Variants in GPC5 observed in about 807,000 individuals in gnomAD.
GPC5 encodes the protein glypican 5, also known as glypican-5.
In GPC5, 47 loss-of-function variants were observed where a neutral mutation model predicts 53.9. That is an observed-to-expected ratio of 0.87 (90% CI 0.69 to 1.11). The LOEUF (loss-of-function observed/expected upper bound fraction) is 1.11. Ranked by LOEUF, GPC5 falls within the 50% of genes most tolerant of loss-of-function variation. The pLI, the probability that GPC5 is intolerant of heterozygous loss-of-function variation, is 0.00. For synonymous variants in GPC5, 286 were observed against 263.3 expected, an observed-to-expected ratio of 1.09 and a Z score of -0.84; for missense variants, 748 against 713.1, an observed-to-expected ratio of 1.05 and a Z score of -0.56.
chr13:92,553,276 T>G (rs1882382738), intron 7 of GPC5, among the ~76,000 whole-genome samples: 1 of 151,986 alleles, frequency 6.6e-6, no homozygotes, highest in Non-Finnish European at 1.5e-5. Context: ...TTATCAAACC[T>G]GCTAGTTTTA....
chr13:92,085,094 C>T (rs2041325871), intron 6 of GPC5, among the ~76,000 whole-genome samples: 1 of 152,184 alleles, frequency 6.6e-6, no homozygotes, highest in African/African-American at 2.4e-5. Context: ...CTCTGCCAGT[C>T]ATATTCCAAA....
At chr13:91,739,643 C>T (rs1010245845) in intron 4 of GPC5, among the ~76,000 whole-genome samples, 1 of 151,314 alleles carries the variant, frequency 6.6e-6, no homozygotes, top group Non-Finnish European at 1.5e-5. Context: ...GTCACAGTGA[C>T]CTCTCCATAG....
chr13:91,612,340 A>G (rs915123915), intron 2 of GPC5, among the ~76,000 whole-genome samples: 10 of 152,178 alleles, frequency 6.6e-5, no homozygotes, highest in African/African-American at 1.4e-4. Context: ...TGGTTGGGCA[A>G]TGTTGCATTT....
At chr13:92,328,597 C>T (rs1042256347) in intron 7 of GPC5, among the ~76,000 whole-genome samples, 5 of 152,092 alleles carry the variant, frequency 3.3e-5, no homozygotes, top group African/African-American at 1.2e-4. Context: ...AACAAGGTAC[C>T]AGAGATGGTG....
chr13:91,428,030 A>G (rs1394237780), intron 1 of GPC5, among the ~76,000 whole-genome samples: 1 of 152,178 alleles, frequency 6.6e-6, no homozygotes, highest in East Asian at 1.9e-4. Context: ...ATGTGAGTCA[A>G]TTAAACCTCT....
At chr13:91,833,146 G>T (rs186150253) in intron 5 of GPC5, among the ~76,000 whole-genome samples, 2 of 152,238 alleles carry the variant, frequency 1.3e-5, no homozygotes, top group East Asian at 3.9e-4. Context: ...AAATCTAGAA[G>T]AAATGGATAA....
intron 7 of GPC5, among the ~76,000 whole-genome samples, chr13:92,864,885 AC>A (rs1242298316): frequency 1.3e-5 from 2 of 152,156 alleles, no homozygotes; most frequent in Non-Finnish European, 2.9e-5. Flanking sequence ...TGGCCTAATT[AC>A]ATAAATATTG....
chr13:92,438,511 G>A (rs1405806335), intron 7 of GPC5, among the ~76,000 whole-genome samples: 1 of 151,796 alleles, frequency 6.6e-6, no homozygotes, highest in African/African-American at 2.4e-5. Context: ...CATTGAGGGA[G>A]AGAAGAGCAA....
chr13:92,163,729 A>C (rs1371366048), intron 7 of GPC5, among the ~76,000 whole-genome samples: 1 of 152,196 alleles, frequency 6.6e-6, no homozygotes, highest in African/African-American at 2.4e-5. Flanking sequence ...AGACAGTACA[A>C]ATTTCCTATT....
At chr13:92,293,508 G>A (rs2043012728) in intron 7 of GPC5, among the ~76,000 whole-genome samples, 1 of 144,448 alleles carries the variant, frequency 6.9e-6, no homozygotes, top group Non-Finnish European at 1.5e-5. Flanking sequence ...CGCTGTCAGT[G>A]TGTAAGAAAA....
intron 7 of GPC5, among the ~76,000 whole-genome samples, chr13:92,299,558 CAAA>C: frequency 6.6e-6 from 1 of 152,024 alleles, no homozygotes; most frequent in African/African-American, 2.4e-5. Flanking sequence ...TCTGTCATTA[CAAA>C]AAAATTATGT....
chr13:92,770,255 T>C (rs946524080), intron 7 of GPC5, among the ~76,000 whole-genome samples: 2 of 151,682 alleles, frequency 1.3e-5, no homozygotes, highest in African/African-American at 4.8e-5. Context: ...CTCTAAAAGA[T>C]ATCAAAAAAT....
At chr13:92,205,408 G>A (rs980225312) in intron 7 of GPC5, among the ~76,000 whole-genome samples, 2 of 152,120 alleles carry the variant, frequency 1.3e-5, no homozygotes, top group African/African-American at 4.8e-5. Context: ...GGGCTGAGGG[G>A]CTCACCAGGA....
At chr13:91,870,131 T>G (rs1217529471) in intron 5 of GPC5, among the ~76,000 whole-genome samples, 1 of 152,182 alleles carries the variant, frequency 6.6e-6, no homozygotes, top group Non-Finnish European at 1.5e-5. Flanking sequence ...CCTAACACGC[T>G]CCATCAGATT....
intron 7 of GPC5, among the ~76,000 whole-genome samples, chr13:92,451,135 A>G (rs938091426): frequency 3.9e-5 from 6 of 152,192 alleles, no homozygotes; most frequent in African/African-American, 1.4e-4. Flanking sequence ...TATCCATCTC[A>G]CTGACCCAAG....
intron 5 of GPC5, among the ~76,000 whole-genome samples, chr13:91,842,336 A>G (rs918345153): frequency 6.6e-6 from 1 of 150,750 alleles, no homozygotes; most frequent in Non-Finnish European, 1.5e-5. Flanking sequence ...AAAATTCTAT[A>G]ATTTGAATTG....
At chr13:92,622,083 G>A (rs929556179) in intron 7 of GPC5, among the ~76,000 whole-genome samples, 1 of 152,060 alleles carries the variant, frequency 6.6e-6, no homozygotes, top group Non-Finnish European at 1.5e-5. Context: ...GTTTGCCCGT[G>A]GGATGGTTTG....
intron 2 of GPC5, among the ~76,000 whole-genome samples, chr13:91,568,414 C>T (rs373286408): frequency 4.4e-4 from 67 of 152,168 alleles, no homozygotes; most frequent in African/African-American, 1.6e-3. Context: ...TTCAGTAGAT[C>T]AGCAGTTGCT....
At chr13:91,739,637 C>T (rs2036887073) in intron 4 of GPC5, among the ~76,000 whole-genome samples, 1 of 151,280 alleles carries the variant, frequency 6.6e-6, no homozygotes, top group African/African-American at 2.5e-5. Flanking sequence ...TTTGTTGTCA[C>T]AGTGACCTCT....
Sources: allele counts gnomAD v4.1 joint callset (sites outside exome capture counted in the v4.1 genomes callset), GRCh38; gene constraint gnomAD v4.1.1; transcripts MANE v1.5; gene names NCBI Gene and HGNC (gene_info 2026-07-23, HGNC 2026-07-21).